KIR2DL3: variants seen among roughly 807,000 people sequenced by gnomAD.
The protein encoded by KIR2DL3 is killer cell immunoglobulin-like receptor 2DL3.
A neutral mutation model predicts 33.8 loss-of-function variants in KIR2DL3; 39 were observed. The observed-to-expected ratio is 1.15, with a 90% CI of 0.89 to 1.51. KIR2DL3 has a LOEUF of 1.51. Among genes scored for constraint, KIR2DL3 ranks in the 40% most tolerant of loss-of-function variants. The pLI is 0.00. For synonymous variants in KIR2DL3, 174 were observed against 160.2 expected (o/e 1.09, Z -0.65); for missense variants, 462 against 426.2 (o/e 1.08, Z -0.74).
In KIR2DL3 at chr19:54,742,057, T is replaced by A; in HGVS notation, c.148T>A (p.Trp50Arg). 1 of 1,613,402 alleles carries A rather than the reference T, an allele frequency of 6.2e-7. No homozygotes were observed. The highest frequency in any genetic ancestry group is 8.5e-7 in the Non-Finnish European group (1 of 1,179,646). ...AGAAGAGACAGTCATCCTGCAATGT[T>A]GGTCAGATGTCAGGTTTCAGCACTT... is the stretch of plus-strand genomic sequence containing the variant. ...KSEETVILQC[W>R]SDVRFQHFLL... Residue 50 changes from tryptophan (W) to arginine (R), a missense_variant, in exon 3 of 8, where the codon TGG (tryptophan) becomes AGG (arginine). Trp to Arg is a moderately radical substitution (Grantham distance 101). Coordinates refer to ENST00000342376, the MANE Select transcript of KIR2DL3 (RefSeq NM_015868.3).
At chr19:54,746,860 G>C (rs1555910651) in intron 4 of KIR2DL3, among the ~76,000 whole-genome samples, 1 of 133,276 alleles carries the variant, frequency 7.5e-6, no homozygotes, top group Non-Finnish European at 1.6e-5. Flanking sequence ...GTCAGCACCT[G>C]TAATACCACT....
chr19:54,744,381 G>A (rs1343302154), intron 4 of KIR2DL3, among the ~76,000 whole-genome samples: 1 of 152,080 alleles, frequency 6.6e-6, no homozygotes, highest in African/African-American at 2.4e-5. Flanking sequence ...GGTTCCCTCA[G>A]CCCCTCAACA....
At chr19:54,744,262 C>G (rs538399079) in intron 4 of KIR2DL3, among the ~76,000 whole-genome samples, 174 bp downstream of exon 4, 2 of 151,890 alleles carry the variant, frequency 1.3e-5, no homozygotes, top group Non-Finnish European at 2.9e-5. Context: ...CCCTCCTACA[C>G]GGCCTGCATG....
chr19:54,738,726 TG>T, intron 1 of KIR2DL3, 147 bp downstream of exon 1: 1 of 1,293,614 alleles, frequency 7.7e-7, no homozygotes, highest in Non-Finnish European at 1.1e-6. Flanking sequence ...AGTGGAGATC[TG>T]GGCCTGGAGT....
intron 5 of KIR2DL3, among the ~76,000 whole-genome samples, chr19:54,748,684 C>T (rs1159841086): frequency 2.1e-5 from 3 of 145,006 alleles, no homozygotes; most frequent in Admixed American, 7.1e-5. Context: ...TGCAGTGTCA[C>T]GATCTTGGCT....
At chr19:54,744,558 G>T (rs1265287354) in intron 4 of KIR2DL3, among the ~76,000 whole-genome samples, 3 of 150,348 alleles carry the variant, frequency 2.0e-5, no homozygotes, top group Admixed American at 6.6e-5. Flanking sequence ...GCAGAGTCTA[G>T]CTCTGTCCCC....
chr19:54,748,731 C>T (rs947878852), intron 5 of KIR2DL3, among the ~76,000 whole-genome samples: 2 of 143,680 alleles, frequency 1.4e-5, no homozygotes, highest in Non-Finnish European at 3.1e-5. Flanking sequence ...AAGTGATTCT[C>T]CTGCCTCCGC....
intron 4 of KIR2DL3, among the ~76,000 whole-genome samples, chr19:54,744,954 A>ATATATTT (rs1398407460): frequency 2.2e-4 from 7 of 31,278 alleles, no homozygotes; most frequent in Non-Finnish European, 3.0e-4. Flanking sequence ...ATATATATAT[A>ATATATTT]TTTTTTTTTT....
chr19:54,744,921 C>CATATATATATGTGTATATATAT (rs2072105959), intron 4 of KIR2DL3, among the ~76,000 whole-genome samples: 53 of 25,208 alleles, frequency 2.1e-3, no homozygotes, highest in Admixed American at 8.0e-3. Flanking sequence ...CATATATAAA[C>CATATATATATGTGTATATATAT]ATATATATAT....
intron 4 of KIR2DL3, among the ~76,000 whole-genome samples, chr19:54,744,873 TA>T (rs1568966002): frequency 9.9e-4 from 55 of 55,726 alleles, no homozygotes; most frequent in African/African-American, 4.6e-3. Context: ...AATACATTTA[TA>T]TATATATATA....
chr19:54,744,125 C>T, intron 4 of KIR2DL3, 37 bp downstream of exon 4: 1 of 1,612,134 alleles, frequency 6.2e-7, no homozygotes, highest in Non-Finnish European at 8.5e-7. Context: ...GTCCTATGAT[C>T]CTAGAGCCTT....
intron 1 of KIR2DL3, 76 bp downstream of exon 1, chr19:54,738,655 G>A (rs1239465985): frequency 1.2e-6 from 2 of 1,607,788 alleles, no homozygotes; most frequent in African/African-American, 1.3e-5. Flanking sequence ...TATAGGCCTG[G>A]AAGTGGAGTT....
chr19:54,746,920 G>A (rs1419980290), intron 4 of KIR2DL3, among the ~76,000 whole-genome samples: 1 of 135,192 alleles, frequency 7.4e-6, no homozygotes, highest in Non-Finnish European at 1.6e-5. Context: ...AGGCTGTGGT[G>A]GCAGTGAACC....
chr19:54,751,335 C>A (rs541473112), intron 5 of KIR2DL3, among the ~76,000 whole-genome samples: 1 of 132,472 alleles, frequency 7.5e-6, no homozygotes, highest in African/African-American at 2.9e-5. Context: ...CAGCATTGGT[C>A]TGTTCATGAT....
At chr19:54,744,879 TA>T (rs1319190747) in intron 4 of KIR2DL3, among the ~76,000 whole-genome samples, 5 of 74,322 alleles carry the variant, frequency 6.7e-5, no homozygotes, top group African/African-American at 2.1e-4. Context: ...TTTATATATA[TA>T]TATATATATA....
At chr19:54,745,379 T>C (rs1600393885) in intron 4 of KIR2DL3, among the ~76,000 whole-genome samples, 1 of 151,734 alleles carries the variant, frequency 6.6e-6, no homozygotes, top group East Asian at 1.9e-4. Context: ...TTGTTTTTGT[T>C]TTTGAGACAG....
intron 1 of KIR2DL3, among the ~76,000 whole-genome samples, chr19:54,739,038 G>A (rs1204589944): frequency 3.3e-5 from 5 of 149,888 alleles, no homozygotes; most frequent in South Asian, 2.1e-4. Context: ...TGGAGATATG[G>A]GCCAGGAGTG....
intron 1 of KIR2DL3, among the ~76,000 whole-genome samples, chr19:54,739,192 G>C (rs1326123390): frequency 6.6e-6 from 1 of 151,614 alleles, no homozygotes; most frequent in Admixed American, 6.6e-5. Flanking sequence ...TGGAGATCTG[G>C]GCCTGGGGCG....
chr19:54,745,957 C>A (rs2072419547), intron 4 of KIR2DL3, among the ~76,000 whole-genome samples: 1 of 136,896 alleles, frequency 7.3e-6, no homozygotes, highest in Non-Finnish European at 1.6e-5. Flanking sequence ...GAATTACAGG[C>A]ACACGCCACC....
Sources: gnomAD v4.1 joint callset for allele counts (sites outside exome capture counted in the v4.1 genomes callset) on GRCh38, gnomAD v4.1.1 for gene constraint, MANE v1.5 for transcripts, NCBI Gene and HGNC (gene_info 2026-07-23, HGNC 2026-07-21) for gene names.